SOX5: variants seen among roughly 807,000 people sequenced by gnomAD.
SOX5 encodes transcription factor SOX-5.
A neutral mutation model predicts 92.0 loss-of-function variants in SOX5; 9 were observed. The observed-to-expected ratio is 0.10, with a 90% confidence interval of 0.06 to 0.17. SOX5 has a LOEUF of 0.17. SOX5 is among the 10% of genes least tolerant of loss of function. The pLI, the probability that SOX5 is intolerant of heterozygous loss-of-function variation, is 1.00. For synonymous variants in SOX5, 344 were observed against 336.3 expected, an observed-to-expected ratio of 1.02 and a Z score of -0.25; for missense variants, 642 against 944.5, an observed-to-expected ratio of 0.68 and a Z score of 4.20.
chr12:24,019,117 G>A (rs1259713392), intron 4 of SOX5, among the ~76,000 whole-genome samples: 3 of 152,076 alleles, frequency 2.0e-5, no homozygotes, highest in Admixed American at 1.3e-4. Flanking sequence ...GACTACAGCT[G>A]CATGCCACAT....
chr12:24,268,682 C>T (rs1006791246), intron 3 of SOX5, among the ~76,000 whole-genome samples: 1 of 152,132 alleles, frequency 6.6e-6, no homozygotes, highest in African/African-American at 2.4e-5. Context: ...ATTAGGTGCA[C>T]AGGTATGTAG....
chr12:24,494,852 A>G (rs1947454888), intron 1 of SOX5, among the ~76,000 whole-genome samples: 1 of 152,210 alleles, frequency 6.6e-6, no homozygotes, highest in Non-Finnish European at 1.5e-5. Flanking sequence ...GCATTACAGA[A>G]TTAACTACAA....
At chr12:23,956,081 A>T (rs1266611558) in intron 4 of SOX5, among the ~76,000 whole-genome samples, 1 of 152,112 alleles carries the variant, frequency 6.6e-6, no homozygotes, top group Non-Finnish European at 1.5e-5. Context: ...GTTAAACCTG[A>T]GGTAAGTATG....
At chr12:24,191,167 G>A (rs1166192489) in intron 4 of SOX5, among the ~76,000 whole-genome samples, 6 of 152,150 alleles carry the variant, frequency 3.9e-5, no homozygotes, top group African/African-American at 1.4e-4. Context: ...GAAGATCTTA[G>A]AGTAAGAAAG....
At chr12:23,884,522 C>T (rs969903595) in intron 2 of SOX5, among the ~76,000 whole-genome samples, 2 of 152,038 alleles carry the variant, frequency 1.3e-5, no homozygotes, top group Non-Finnish European at 2.9e-5. Context: ...GAAGTTAACC[C>T]GAAGTTAGGG....
chr12:24,532,760 T>C (rs1951304538), intron 1 of SOX5, among the ~76,000 whole-genome samples: 1 of 152,240 alleles, frequency 6.6e-6, no homozygotes, highest in South Asian at 2.1e-4. Flanking sequence ...TATATGCTTC[T>C]AACTCCAAGA....
intron 6 of SOX5, among the ~76,000 whole-genome samples, chr12:23,720,626 A>G (rs1375305275): frequency 1.3e-5 from 2 of 152,208 alleles, no homozygotes; most frequent in Non-Finnish European, 2.9e-5. Flanking sequence ...AAAAAAATAC[A>G]GAGACTATTA....
chr12:24,312,374 T>C (rs139628158), intron 2 of SOX5, among the ~76,000 whole-genome samples: 11 of 152,334 alleles, frequency 7.2e-5, no homozygotes, highest in South Asian at 4.1e-4. Context: ...ACTGGTATCA[T>C]TGCAATCCCT....
intron 4 of SOX5, among the ~76,000 whole-genome samples, chr12:24,054,385 C>G (rs911886297): frequency 6.6e-6 from 1 of 152,172 alleles, no homozygotes; most frequent in African/African-American, 2.4e-5. Flanking sequence ...TACTAAAAAT[C>G]ATAATCTTAC....
chr12:23,968,987 T>C (rs1947915788), intron 4 of SOX5, among the ~76,000 whole-genome samples: 1 of 152,186 alleles, frequency 6.6e-6, no homozygotes, highest in Admixed American at 6.5e-5. Context: ...GTGGATGTCT[T>C]ACAGGCATAT....
At chr12:24,509,332 C>T (rs1338341272) in intron 1 of SOX5, among the ~76,000 whole-genome samples, 1 of 152,188 alleles carries the variant, frequency 6.6e-6, no homozygotes, top group Non-Finnish European at 1.5e-5. Flanking sequence ...TACTCACTCT[C>T]TTTGCTTCAT....
chr12:23,730,498 G>C (rs1328250671), intron 6 of SOX5, among the ~76,000 whole-genome samples: 1 of 152,120 alleles, frequency 6.6e-6, no homozygotes, highest in Non-Finnish European at 1.5e-5. Context: ...AGAGTAAACT[G>C]ATTTATGATA....
At chr12:24,505,123 G>A (rs539451178) in intron 1 of SOX5, among the ~76,000 whole-genome samples, 13 of 152,190 alleles carry the variant, frequency 8.5e-5, no homozygotes, top group Non-Finnish European at 1.5e-4. Flanking sequence ...ATCTGGAAAA[G>A]GCCAGGCAGC....
At chr12:24,003,769 G>GTGT (rs71445977) in intron 4 of SOX5, among the ~76,000 whole-genome samples, 5 of 147,952 alleles carry the variant, frequency 3.4e-5, no homozygotes, top group African/African-American at 4.9e-5. Flanking sequence ...ATGCCAGCAG[G>GTGT]TTTTTTTTTT....
chr12:23,677,205 T>C (rs1009994043), intron 6 of SOX5, among the ~76,000 whole-genome samples: 1 of 152,120 alleles, frequency 6.6e-6, no homozygotes, highest in Non-Finnish European at 1.5e-5. Flanking sequence ...TCCATTCTGC[T>C]CCTCAGATCC....
At chr12:23,976,586 A>G (rs1948941192) in intron 4 of SOX5, among the ~76,000 whole-genome samples, 1 of 152,106 alleles carries the variant, frequency 6.6e-6, no homozygotes. Context: ...TTATAAGTAG[A>G]TTTGGATAAT....
intron 1 of SOX5, among the ~76,000 whole-genome samples, chr12:24,488,035 T>C (rs1566288646): frequency 6.6e-6 from 1 of 152,202 alleles, no homozygotes; most frequent in Non-Finnish European, 1.5e-5. Context: ...ATATGACTAT[T>C]ATTTCCCTGG....
chr12:24,512,107 A>T (rs1487309600), intron 1 of SOX5, among the ~76,000 whole-genome samples: 4 of 152,240 alleles, frequency 2.6e-5, no homozygotes, highest in Non-Finnish European at 4.4e-5. Context: ...CAGAAATAAT[A>T]AGAAAAAAAT....
intron 3 of SOX5, among the ~76,000 whole-genome samples, chr12:23,822,393 T>C (rs1258271871): frequency 1.3e-5 from 2 of 152,218 alleles, no homozygotes; most frequent in African/African-American, 4.8e-5. Flanking sequence ...CCAGTAGTCA[T>C]TCAGGAGCAG....
Sources: gnomAD v4.1 joint callset for allele counts (sites outside exome capture counted in the v4.1 genomes callset) on GRCh38, gnomAD v4.1.1 for gene constraint, MANE v1.5 for transcripts, NCBI Gene and HGNC (gene_info 2026-07-23, HGNC 2026-07-21) for gene names.